The following DEUP1 variants were observed in gnomAD, a reference collection of about 807,000 sequenced individuals.
DEUP1 encodes the protein coiled-coil domain containing 67.
Under a neutral mutation model 87.4 loss-of-function variants are expected in DEUP1, and 82 were observed. The observed-to-expected ratio is 0.94, with a 90% CI of 0.78 to 1.13. The LOEUF (loss-of-function observed/expected upper bound fraction) is 1.13, where lower values mean the gene tolerates loss of function less well. Ranked by LOEUF, DEUP1 falls within the 50% of genes most tolerant of loss-of-function variation. DEUP1 has a pLI of 0.00. For missense variants in DEUP1, 663 were observed against 681.5 expected (o/e 0.97, Z 0.30); for synonymous variants, 214 against 222.7 (o/e 0.96, Z 0.35).
At chr11:93,429,175 G>A (rs1258663784) in intron 13 of DEUP1, among the ~76,000 whole-genome samples, 1 of 152,156 alleles carries the variant, frequency 6.6e-6, no homozygotes, top group Admixed American at 6.6e-5. Context: ...TAGAAGTAAA[G>A]TTAAGCTATT....
chr11:93,351,661 A>G (rs1944635055), intron 2 of DEUP1, among the ~76,000 whole-genome samples: 2 of 152,252 alleles, frequency 1.3e-5, no homozygotes, highest in South Asian at 4.1e-4. Flanking sequence ...TAGAGGAATT[A>G]GTATACATCC....
chr11:93,379,967 C>A (rs1946222221), intron 7 of DEUP1, among the ~76,000 whole-genome samples: 1 of 152,236 alleles, frequency 6.6e-6, no homozygotes, highest in Non-Finnish European at 1.5e-5. Flanking sequence ...CAGCAGTACT[C>A]ATTGCCTAAT....
At position 93,437,563 on chromosome 11, in the gene DEUP1, C is replaced by T; in HGVS notation, c.1659C>T (p.Phe553=). The change falls in exon 14 of 14, where the codon TTC becomes TTT. Residue 553 remains phenylalanine, a synonymous_variant. Transcript: ENST00000298050. The part of the protein sequence containing the change: ...VFPLSPPDMS[F]PASLAAQHFL... ...TTTAGTCTCCCCCAGATATGTCCTT[C>T]CCAGCATCTTTGGCTGCACAGCATT... The T allele has an allele frequency of 6.2e-7, 1 of 1,613,158 alleles. No individual in the cohort carries two copies. Among genetic ancestry groups the T allele is most frequent in the East Asian group, 2.2e-5 (1 of 44,868 alleles).
chr11:93,369,331 T>C (rs1470775819), intron 5 of DEUP1, among the ~76,000 whole-genome samples: 1 of 151,814 alleles, frequency 6.6e-6, no homozygotes, highest in Non-Finnish European at 1.5e-5. Context: ...CAGTCCTTAA[T>C]AGTCACTAAA....
At chr11:93,333,690 A>C (rs1447117457) in intron 2 of DEUP1, among the ~76,000 whole-genome samples, 4 of 152,234 alleles carry the variant, frequency 2.6e-5, no homozygotes, top group Admixed American at 2.6e-4. Context: ...AAGACAAAAA[A>C]AGCAGGAGCT....
chr11:93,346,610 T>G (rs192857921), intron 2 of DEUP1, among the ~76,000 whole-genome samples: 1 of 152,200 alleles, frequency 6.6e-6, no homozygotes, highest in African/African-American at 2.4e-5. Context: ...AGGAATAACA[T>G]TGAATCTATA....
At chr11:93,415,955 A>G (rs992309894) in intron 13 of DEUP1, among the ~76,000 whole-genome samples, 2 of 152,146 alleles carry the variant, frequency 1.3e-5, no homozygotes, top group African/African-American at 2.4e-5. Context: ...CTGCCAAAAA[A>G]TTCTTTTATG....
intron 2 of DEUP1, among the ~76,000 whole-genome samples, chr11:93,353,956 G>C (rs1210615016): frequency 6.6e-6 from 1 of 152,186 alleles, no homozygotes; most frequent in African/African-American, 2.4e-5. Flanking sequence ...TTAACATTAG[G>C]CTCCTTGCTA....
At chr11:93,419,179 T>C (rs1441845412) in intron 13 of DEUP1, among the ~76,000 whole-genome samples, 2 of 24,346 alleles carry the variant, frequency 8.2e-5, no homozygotes, top group African/African-American at 2.3e-4. Flanking sequence ...ACTTAAAGTA[T>C]AATAATAAAA....
intron 4 of DEUP1, chr11:93,357,394 C>T (rs1165139428): frequency 6.1e-6 from 1 of 164,104 alleles, no homozygotes; most frequent in African/African-American, 2.4e-5. Flanking sequence ...AAGATGTTCT[C>T]AATTCTGTGA....
intron 8 of DEUP1, 111 bp from the exon 9 acceptor site, chr11:93,388,909 C>A: frequency 1.7e-6 from 1 of 605,948 alleles, no homozygotes; most frequent in Non-Finnish European, 2.8e-6. Flanking sequence ...ATGTTTCCAA[C>A]AAAGTAATGA....
chr11:93,437,366 G>A (rs1948276853), intron 13 of DEUP1, 177 bp from the exon 14 acceptor site: 2 of 545,724 alleles, frequency 3.7e-6, no homozygotes, highest in African/African-American at 1.9e-5. Context: ...TTAGTTCCTT[G>A]AGGATTTCAT....
At chr11:93,401,797 T>C (rs1947127968) in intron 11 of DEUP1, among the ~76,000 whole-genome samples, 2 of 151,900 alleles carry the variant, frequency 1.3e-5, no homozygotes, top group South Asian at 4.1e-4. Context: ...GGAAAACTGG[T>C]AATTACGTGT....
intron 3 of DEUP1, 110 bp downstream of exon 3, chr11:93,355,652 C>A: frequency 2.1e-6 from 2 of 941,330 alleles, no homozygotes; most frequent in Non-Finnish European, 3.0e-6. Flanking sequence ...TCAGCAACAG[C>A]ATTTATTGCT....
chr11:93,431,890 A>G (rs1591279850), intron 13 of DEUP1, among the ~76,000 whole-genome samples: 1 of 152,212 alleles, frequency 6.6e-6, no homozygotes, highest in African/African-American at 2.4e-5. Context: ...TGGGAAGACT[A>G]GGGAAGAAAT....
chr11:93,388,116 C>G (rs1413983193), intron 8 of DEUP1, among the ~76,000 whole-genome samples: 1 of 152,078 alleles, frequency 6.6e-6, no homozygotes, highest in African/African-American at 2.4e-5. Flanking sequence ...CAACTTAATA[C>G]CTTTTATAAC....
Position 93,398,808 on chromosome 11 carries a change from C to T in DEUP1, c.1326+2483C>T, listed in dbSNP as rs189017484. Among the ~76,000 whole-genome samples the T allele has an allele frequency of 1.2e-3, 185 of 151,550 alleles. 1 individual carries two copies. The highest frequency in any genetic ancestry group is 1.5e-3 in the Non-Finnish European group (99 of 67,930). On this transcript the variant is annotated intron_variant, in intron 11 of 13. Transcript: ENST00000298050. Reference sequence around the variant, plus strand: ...TGATCTTGGCTCACTGCAGCCTCCACCTCCCGGGTTCAAGCAATTCTCCTG... The same window carrying T: ...TGATCTTGGCTCACTGCAGCCTCCATCTCCCGGGTTCAAGCAATTCTCCTG...
At position 93,359,137 on chromosome 11, in the gene DEUP1, T is replaced by C. The variant is rs58751432; in HGVS notation, c.297+2094T>C. On this transcript the variant is annotated intron_variant, in intron 4 of 13. Transcript: ENST00000298050. ...TTCGGTTTGCATAAAGCTAGTAATA[T>C]GCTGTTTTTCTAAGCAGAAAATGGT... 7.6e-3 allele frequency among the ~76,000 whole-genome samples: 1,162 copies of C among 152,328 alleles called. 15 individuals carry two copies. Among genetic ancestry groups the C allele is most frequent in the African/African-American group, 0.027 (1,117 of 41,572 alleles).
rs1354987060 is a variant in DEUP1 at position 93,408,492 on chromosome 11, G to T, written c.1523+65G>T. ...CATGTAATTAAAATTTATTTTTAAAGAATTCAAATTATAACTTTATACGCT... is the reference window on the plus strand; with the variant it reads ...CATGTAATTAAAATTTATTTTTAAATAATTCAAATTATAACTTTATACGCT... On this transcript the variant is annotated intron_variant, in intron 12 of 13. Transcript: ENST00000298050. The T allele has an allele frequency of 3.8e-6, 4 of 1,063,008 alleles. No homozygotes were observed. In the South Asian group the frequency reaches 5.5e-5, roughly 15 times the overall value. 65.8% of individuals were successfully genotyped at this position (1,063,008 alleles called of 1,614,324 possible). A position where few individuals can be genotyped will look rare whatever the true frequency, so the allele number is the denominator to read the frequency against.
Sources: allele counts gnomAD v4.1 joint callset (sites outside exome capture counted in the v4.1 genomes callset), GRCh38; gene constraint gnomAD v4.1.1; transcripts MANE v1.5; gene names NCBI Gene and HGNC (gene_info 2026-07-23, HGNC 2026-07-21).